The following THRSP variants were observed in gnomAD, a reference collection of about 807,000 sequenced individuals.
THRSP encodes the protein thyroid hormone responsive.
In THRSP, 9 loss-of-function variants were observed where a neutral mutation model predicts 11.1. The ratio of observed to expected loss-of-function variants is 0.81; its 90% CI spans 0.49 to 1.42. The LOEUF (loss-of-function observed/expected upper bound fraction) is 1.42. Among genes scored for constraint, THRSP ranks in the 40% most tolerant of loss-of-function variants. The pLI is 0.00. For missense variants in THRSP, 177 were observed against 188.2 expected, an observed-to-expected ratio of 0.94 and a Z score of 0.35; for synonymous variants, 73 against 78.1, an observed-to-expected ratio of 0.94 and a Z score of 0.34.
intron 1 of THRSP, among the ~76,000 whole-genome samples, chr11:78,067,280 CCTGG>C (rs1417419329): frequency 6.6e-6 from 1 of 152,084 alleles, no homozygotes; most frequent in Non-Finnish European, 1.5e-5. Context: ...CGCCACCATG[CCTGG>C]CTAATTTTTG....
Position 78,064,164 on chromosome 11 carries a change from A to G in THRSP, c.283A>G (p.Thr95Ala). 1.2e-6 allele frequency: 2 copies of G among 1,614,152 alleles called. No homozygotes were observed. Among genetic ancestry groups the G allele is most frequent in the Non-Finnish European group, 8.5e-7 (1 of 1,180,022 alleles). Residue 95 changes from threonine (T) to alanine (A), a missense_variant, in exon 1 of 2, where the codon ACA becomes GCA. Thr to Ala is a moderately conservative substitution (Grantham distance 58, BLOSUM62 0). Transcript: ENST00000281030. The stretch of plus-strand genomic sequence containing the variant: ...CAGCGAAGAGAATGGAACCGCAGAG[A>G]CAGAGGAAGTCGAGGACGAGAGTGC... The part of the protein sequence containing the change: ...AGSEENGTAE[T>A]EEVEDESASG...
intron 1 of THRSP, among the ~76,000 whole-genome samples, chr11:78,066,157 T>C (rs1858732413): frequency 6.6e-6 from 1 of 152,238 alleles, no homozygotes; most frequent in South Asian, 2.1e-4. Flanking sequence ...TCTAATGGAA[T>C]TATCATCCCC....
At position 78,068,306 on chromosome 11, in the gene THRSP, A is replaced by T. The variant is rs1273332599; in HGVS notation, c.*667A>T. 1 of 152,204 alleles carries T rather than the reference A, an allele frequency of 6.6e-6. No individual in the cohort carries two copies. Among genetic ancestry groups the T allele is most frequent in the East Asian group, 1.9e-4 (1 of 5,206 alleles). The allele number at this position is 152,204 out of a possible 1,614,324, so 9.4% of individuals were successfully genotyped here. A position where few individuals can be genotyped will look rare whatever the true frequency, so the allele number is the denominator to read the frequency against. On this transcript the variant is annotated 3_prime_UTR_variant, in exon 2 of 2. Transcript: ENST00000281030. ...TGAGATCAACAACAGGTGAACTATA[A>T]ACCTATTATTTATTGCAGAACTAAT...
rs1858655649 is a variant in THRSP, at chr11:78,064,007, G to C, written c.126G>C (p.Leu42=). The change falls in exon 1 of 2, where the codon CTG becomes CTC. Residue 42 remains leucine, a synonymous_variant. Transcript: ENST00000281030. ...MIPSLLRDVQ[L]SGPGGQAQAE... ...CCAGCCTTCTGCGGGACGTGCAGCT[G>C]AGTGGGCCTGGGGGCCAGGCCCAGG... 1.9e-6 allele frequency: 3 copies of C among 1,614,178 alleles called. No homozygotes were observed. The South Asian group carries it at 3.3e-5, about 18-fold the overall frequency.
rs372605767 is a variant in THRSP at position 78,064,118 on chromosome 11, G to A, written c.237G>A (p.Glu79=). 3.1e-6 allele frequency: 5 copies of A among 1,614,164 alleles called. No homozygotes were observed. The highest frequency in any genetic ancestry group is 4.2e-6 in the Non-Finnish European group (5 of 1,180,032). ...ACCATGGGCTGCTGCCGCGGGAGGA[G>A]TGGCAGGCCAAGGTGGCAGGCAGCG... ...DVDHGLLPRE[E]WQAKVAGSEE... Residue 79 remains glutamate (E), a synonymous_variant, in exon 1 of 2, where the codon GAG becomes GAA. Transcript: ENST00000281030.
chr11:78,064,680 C>T (rs1315172876), intron 1 of THRSP, among the ~76,000 whole-genome samples: 1 of 147,898 alleles, frequency 6.8e-6, no homozygotes, highest in African/African-American at 2.4e-5. Context: ...AGTGTGTTCT[C>T]ATCAGTGACT....
Position 78,063,891 on chromosome 11 carries a change from C to G in THRSP, c.10C>G (p.Leu4Val). The G allele has an allele frequency of 1.9e-6, 3 of 1,567,728 alleles. No individual in the cohort carries two copies. Among genetic ancestry groups the G allele is most frequent in the Non-Finnish European group, 2.6e-6 (3 of 1,157,604 alleles). The change falls in exon 1 of 2, where the codon CTA becomes GTA. Residue 4 changes from leucine (L) to valine (V), a missense_variant. By Grantham distance (32) the Leu-to-Val change is conservative. Coordinates refer to ENST00000281030, the MANE Select transcript of THRSP (RefSeq NM_003251.4). Reference protein sequence around the residue: MQVLTKRYPKNCLL... With the variant: MQVVTKRYPKNCLL... ...GTCAGAGGAAGCAACCATGCAGGTG[C>G]TAACCAAGCGTTACCCCAAGAACTG...
At chr11:78,067,482 A>C (rs1858796259) in intron 1 of THRSP, among the ~76,000 whole-genome samples, 177 bp from the exon 2 acceptor site, 1 of 152,246 alleles carries the variant, frequency 6.6e-6, no homozygotes, top group South Asian at 2.1e-4. Flanking sequence ...TAGCAGAGAA[A>C]TCAAATGAGT....
At chr11:78,066,018 T>C (rs1364186547) in intron 1 of THRSP, among the ~76,000 whole-genome samples, 1 of 152,244 alleles carries the variant, frequency 6.6e-6, no homozygotes, top group Non-Finnish European at 1.5e-5. Flanking sequence ...CTATCACTAA[T>C]GAGCTGTGGG....
chr11:78,064,390 G>C (rs946988389), intron 1 of THRSP, 49 bp downstream of exon 1: 1 of 1,480,570 alleles, frequency 6.8e-7, no homozygotes, highest in Admixed American at 2.1e-5. Flanking sequence ...GGACATTCCA[G>C]GAGAGGAGAG....
At position 78,067,698 on chromosome 11, in the gene THRSP, C is replaced by G. The variant is rs552669494; in HGVS notation, c.*59C>G. The G allele has an allele frequency of 1.3e-5, 2 of 152,328 alleles. No homozygotes were observed. The highest frequency in any genetic ancestry group is 1.9e-4 in the East Asian group (1 of 5,188). 9.4% of individuals were successfully genotyped at this position (152,328 alleles called of 1,614,324 possible). ...TAGAAGACAGACTCTTTGATGAGGT[C>G]GGCGGAGCAGTTCACTAGCCAATGA... On this transcript the variant is annotated 3_prime_UTR_variant, in exon 2 of 2. Transcript: ENST00000281030.
At chr11:78,066,455 G>A (rs1051799853) in intron 1 of THRSP, among the ~76,000 whole-genome samples, 1 of 152,172 alleles carries the variant, frequency 6.6e-6, no homozygotes, top group African/African-American at 2.4e-5. Flanking sequence ...ATGAGCCACC[G>A]CGCCCAGCCT....
intron 1 of THRSP, among the ~76,000 whole-genome samples, chr11:78,064,874 A>T (rs1440344087): frequency 6.6e-6 from 1 of 151,790 alleles, no homozygotes; most frequent in Non-Finnish European, 1.5e-5. Context: ...CTGTAGTCCC[A>T]GCTACTCGGG....
At chr11:78,067,541 G>A (rs540892) in intron 1 of THRSP, 118 bp from the exon 2 acceptor site, 21,489 of 152,284 alleles carry the variant, frequency 0.14, 1,909 homozygotes, top group East Asian at 0.27. Flanking sequence ...CTGAGGCACT[G>A]CCAGTTTTCC....
At chr11:78,066,602 G>T (rs922913870) in intron 1 of THRSP, among the ~76,000 whole-genome samples, 1 of 152,162 alleles carries the variant, frequency 6.6e-6, no homozygotes, top group Non-Finnish European at 1.5e-5. Context: ...GTATTCCTTA[G>T]AGCCTTAGAC....
rs1858799879 is a variant in THRSP at position 78,067,591 on chromosome 11, A to G, written c.*20-68A>G. 3.3e-5 allele frequency: 5 copies of G among 152,382 alleles called. No homozygotes were observed. The South Asian group carries it at 1.0e-3, about 32-fold the overall frequency. The allele number at this position is 152,382 out of a possible 1,614,324, so 9.4% of individuals were successfully genotyped here. On this transcript the variant is annotated intron_variant, in intron 1 of 1. Coordinates refer to ENST00000281030, the MANE Select transcript of THRSP (RefSeq NM_003251.4). The stretch of plus-strand genomic sequence containing the variant: ...CATTGTTCTTCCTGCTTCAATGGGC[A>G]TGTGACAGTATCTTGGTTGTTTGAA...
intron 1 of THRSP, among the ~76,000 whole-genome samples, chr11:78,065,950 G>A (rs1193759436): frequency 2.0e-5 from 3 of 152,264 alleles, no homozygotes; most frequent in African/African-American, 7.2e-5. Flanking sequence ...TTGCCTCACA[G>A]AGGTTCTTCT....
At chr11:78,065,476 A>G (rs1047573328) in intron 1 of THRSP, among the ~76,000 whole-genome samples, 12 of 152,014 alleles carry the variant, frequency 7.9e-5, no homozygotes, top group African/African-American at 2.7e-4. Context: ...TAGAAATTGG[A>G]CCACAGCACC....
chr11:78,064,199 G>A lies in THRSP; in HGVS notation c.318G>A (p.Glu106=), dbSNP rs1858663544. 5.0e-6 allele frequency: 8 copies of A among 1,614,152 alleles called. No homozygotes were observed. The highest frequency in any genetic ancestry group is 6.8e-6 in the Non-Finnish European group (8 of 1,180,024). ...TCGAGGACGAGAGTGCCTCAGGAGA[G>A]CTGGACCTGGAAGCCCAGTTCCACC... ...EEVEDESASG[E]LDLEAQFHLH... Residue 106 remains glutamate, a synonymous_variant, in exon 1 of 2, where the codon GAG becomes GAA. Transcript: ENST00000281030.
Sources: allele counts gnomAD v4.1 joint callset (sites outside exome capture counted in the v4.1 genomes callset), GRCh38; gene constraint gnomAD v4.1.1; transcripts MANE v1.5; gene names NCBI Gene and HGNC (gene_info 2026-07-23, HGNC 2026-07-21).